STIM1: variants seen among roughly 807,000 people sequenced by gnomAD.
STIM1 encodes stromal interaction molecule 1.
A neutral mutation model predicts 74.7 loss-of-function variants in STIM1; 25 were observed. That is an observed-to-expected ratio of 0.33 (90% CI 0.24 to 0.47). STIM1 has a LOEUF of 0.47. Ranked by LOEUF, STIM1 falls within the 20% of genes least tolerant of loss-of-function variation. The pLI is 1.00. For missense variants in STIM1, 728 were observed against 920.8 expected, an observed-to-expected ratio of 0.79 and a Z score of 2.71; for synonymous variants, 328 against 348.8, an observed-to-expected ratio of 0.94 and a Z score of 0.66.
intron 5 of STIM1, among the ~76,000 whole-genome samples, chr11:4,060,487 C>T (rs2094323054): frequency 1.3e-5 from 2 of 152,188 alleles, no homozygotes; most frequent in Non-Finnish European, 2.9e-5. Flanking sequence ...AAGTATGAAA[C>T]AGAGCAACCT....
At chr11:4,050,962 T>C (rs969233090) in intron 3 of STIM1, among the ~76,000 whole-genome samples, 84 of 152,050 alleles carry the variant, frequency 5.5e-4, no homozygotes, top group Non-Finnish European at 2.9e-4. Context: ...CATCTTCACA[T>C]TGAGTGGGCT....
intron 8 of STIM1, 23 bp downstream of exon 8, chr11:4,082,374 C>T: frequency 6.3e-7 from 1 of 1,591,008 alleles, no homozygotes; most frequent in South Asian, 1.1e-5. Context: ...CTTCTATTGT[C>T]CTCTTTTCTC....
chr11:4,076,762 A>G (rs2094439966), intron 7 of STIM1, among the ~76,000 whole-genome samples: 1 of 143,694 alleles, frequency 7.0e-6, no homozygotes, highest in Non-Finnish European at 1.5e-5. Flanking sequence ...AAGTTTTCTA[A>G]TTTTTATTGT....
At chr11:4,014,456 T>G (rs2093875321) in intron 2 of STIM1, among the ~76,000 whole-genome samples, 1 of 152,180 alleles carries the variant, frequency 6.6e-6, no homozygotes, top group Non-Finnish European at 1.5e-5. Flanking sequence ...TGCTGACGAG[T>G]ATTTTACTTC....
At chr11:4,004,832 A>G (rs1450914574) in intron 2 of STIM1, among the ~76,000 whole-genome samples, 4 of 152,204 alleles carry the variant, frequency 2.6e-5, no homozygotes, top group Non-Finnish European at 5.9e-5. Flanking sequence ...TTCGCAACCT[A>G]CTCATCTGAC....
chr11:4,019,895 C>T (rs1426891353), intron 2 of STIM1, among the ~76,000 whole-genome samples: 1 of 152,120 alleles, frequency 6.6e-6, no homozygotes, highest in Non-Finnish European at 1.5e-5. Context: ...AACTTATAAA[C>T]TTACCCTCCC....
chr11:4,066,671 C>G (rs1021313827), intron 5 of STIM1, among the ~76,000 whole-genome samples: 3 of 151,972 alleles, frequency 2.0e-5, no homozygotes, highest in African/African-American at 7.2e-5. Flanking sequence ...ATAGCAAGAC[C>G]TCCATCTCTA....
intron 1 of STIM1, among the ~76,000 whole-genome samples, chr11:3,947,101 T>G (rs981276527): frequency 1.0e-4 from 7 of 68,552 alleles, no homozygotes; most frequent in African/African-American, 2.3e-4. Flanking sequence ...ATTCTTAGTG[T>G]TTTTTTTTTT....
At chr11:4,090,519 G>C (rs2094517954) in intron 12 of STIM1, among the ~76,000 whole-genome samples, 1 of 152,168 alleles carries the variant, frequency 6.6e-6, no homozygotes, top group Non-Finnish European at 1.5e-5. Flanking sequence ...GCAGCATCCT[G>C]GCCTTTTGGG....
Position 3,939,664 on chromosome 11 carries a change from A to G in STIM1, c.140-27888A>G, listed in dbSNP as rs554797444. ...GAGATTCAGAGAAGTTAAATAATTTACCTGTCCAGATTACACACTAGATCA... is the reference window on the plus strand; with the variant it reads ...GAGATTCAGAGAAGTTAAATAATTTGCCTGTCCAGATTACACACTAGATCA... On this transcript the variant is annotated intron_variant, in intron 1 of 12. Coordinates refer to ENST00000526596, the MANE Select transcript of STIM1 (RefSeq NM_001382567.1). Among the ~76,000 whole-genome samples the G allele has an allele frequency of 1.3e-4, 20 of 152,324 alleles. No individual in the cohort carries two copies. In the South Asian group the frequency reaches 3.9e-3, roughly 30 times the overall value.
intron 3 of STIM1, among the ~76,000 whole-genome samples, chr11:4,037,920 GTTAA>G (rs1188713130): frequency 6.6e-6 from 1 of 151,556 alleles, no homozygotes; most frequent in Admixed American, 6.6e-5. Flanking sequence ...TTTCTTTTGG[GTTAA>G]TTCAGTATTT....
intron 3 of STIM1, among the ~76,000 whole-genome samples, chr11:4,046,763 C>T (rs760758042): frequency 6.6e-6 from 1 of 152,190 alleles, no homozygotes; most frequent in African/African-American, 2.4e-5. Flanking sequence ...TATCCTCCCA[C>T]TTCATCCTCC....
chr11:3,942,246 A>G (rs937985206), intron 1 of STIM1, among the ~76,000 whole-genome samples: 5 of 152,160 alleles, frequency 3.3e-5, no homozygotes, highest in South Asian at 2.1e-4. Flanking sequence ...GTCTACTCCA[A>G]TGAGCTGTGC....
intron 5 of STIM1, among the ~76,000 whole-genome samples, chr11:4,060,193 A>T (rs1179320905): frequency 6.6e-6 from 1 of 152,160 alleles, no homozygotes. Context: ...CCAGCCTGTA[A>T]TCCTTTTTCT....
intron 3 of STIM1, among the ~76,000 whole-genome samples, chr11:4,054,547 T>C (rs1201929550): frequency 1.3e-5 from 2 of 151,988 alleles, no homozygotes; most frequent in Non-Finnish European, 2.9e-5. Flanking sequence ...CTCATAGGAG[T>C]GCGAACCCTA....
At chr11:4,059,712 G>A (rs1360239367) in intron 5 of STIM1, among the ~76,000 whole-genome samples, 1 of 152,164 alleles carries the variant, frequency 6.6e-6, no homozygotes, top group African/African-American at 2.4e-5. Flanking sequence ...CAGTACTTCT[G>A]AGGCCCAGAT....
chr11:3,903,877 A>T (rs1045868911), intron 1 of STIM1, among the ~76,000 whole-genome samples: 2 of 152,188 alleles, frequency 1.3e-5, no homozygotes, highest in Non-Finnish European at 2.9e-5. Context: ...ACAGTGTCAC[A>T]AGTGCTACAA....
chr11:3,966,252 G>C (rs2093339837), intron 1 of STIM1, among the ~76,000 whole-genome samples: 1 of 152,156 alleles, frequency 6.6e-6, no homozygotes, highest in African/African-American at 2.4e-5. Context: ...CTTAACATTG[G>C]TGAGCTTCAA....
chr11:3,945,557 C>G (rs2093062403), intron 1 of STIM1, among the ~76,000 whole-genome samples: 1 of 152,146 alleles, frequency 6.6e-6, no homozygotes, highest in Admixed American at 6.5e-5. Context: ...CGAGATTGCA[C>G]CACTGCACTC....
Sources: gnomAD v4.1 joint callset for allele counts (sites outside exome capture counted in the v4.1 genomes callset) on GRCh38, gnomAD v4.1.1 for gene constraint, MANE v1.5 for transcripts, NCBI Gene and HGNC (gene_info 2026-07-23, HGNC 2026-07-21) for gene names.